The following FSTL5 variants were observed in gnomAD, a reference collection of about 807,000 sequenced individuals.
FSTL5 encodes follistatin like 5, also known as follistatin-related protein 5.
Under a neutral mutation model 89.1 loss-of-function variants are expected in FSTL5, and 62 were observed. The observed-to-expected ratio is 0.70, with a 90% confidence interval of 0.57 to 0.86. FSTL5 has a LOEUF of 0.86. Among genes scored for constraint, FSTL5 ranks in the 40% least tolerant of loss-of-function variants. The pLI, the probability that FSTL5 is intolerant of heterozygous loss-of-function variation, is 0.00. For synonymous variants in FSTL5, 383 were observed against 346.2 expected, an observed-to-expected ratio of 1.11 and a Z score of -1.18; for missense variants, 1,057 against 1,001.6, an observed-to-expected ratio of 1.06 and a Z score of -0.75.
intron 3 of FSTL5, 42 bp from the exon 4 acceptor site, chr4:161,920,694 G>T (rs746679254): frequency 3.2e-6 from 5 of 1,549,148 alleles, no homozygotes; most frequent in Non-Finnish European, 4.4e-6. Context: ...TGGTTCATTT[G>T]TCCAAATAAT....
At chr4:161,975,218 A>G (rs1445927537) in intron 3 of FSTL5, among the ~76,000 whole-genome samples, 1 of 137,530 alleles carries the variant, frequency 7.3e-6, no homozygotes, top group Non-Finnish European at 1.6e-5. Flanking sequence ...ATCTAGAACT[A>G]GAAATACCAT....
intron 4 of FSTL5, among the ~76,000 whole-genome samples, chr4:161,913,307 G>A (rs558983936): frequency 6.6e-6 from 1 of 152,238 alleles, no homozygotes; most frequent in South Asian, 2.1e-4. Flanking sequence ...GGAGGCCCAG[G>A]AAGAAAAAGT....
intron 4 of FSTL5, among the ~76,000 whole-genome samples, chr4:161,855,609 A>T (rs1291564579): frequency 6.6e-6 from 1 of 152,110 alleles, no homozygotes; most frequent in Non-Finnish European, 1.5e-5. Context: ...TAAAATTTAC[A>T]GAAAAGGTAA....
intron 3 of FSTL5, among the ~76,000 whole-genome samples, chr4:161,938,102 T>C (rs1734482320): frequency 6.6e-6 from 1 of 152,104 alleles, no homozygotes; most frequent in Non-Finnish European, 1.5e-5. Flanking sequence ...CCACCACCAT[T>C]CATCAATATC....
chr4:161,567,763 A>G (rs1226721641), intron 8 of FSTL5, among the ~76,000 whole-genome samples: 1 of 149,566 alleles, frequency 6.7e-6, no homozygotes, highest in East Asian at 2.0e-4. Flanking sequence ...TCTGAGAATG[A>G]GTCACCTATC....
At chr4:161,651,560 A>T (rs7659888) in intron 7 of FSTL5, among the ~76,000 whole-genome samples, 15 of 152,054 alleles carry the variant, frequency 9.9e-5, no homozygotes, top group South Asian at 4.1e-4. Context: ...AGGGAAAGAA[A>T]GAGAAGAGAA....
chr4:161,737,830 C>T (rs1739871080), intron 6 of FSTL5, among the ~76,000 whole-genome samples: 1 of 151,776 alleles, frequency 6.6e-6, no homozygotes, highest in Non-Finnish European at 1.5e-5. Flanking sequence ...GTTTTCAGAC[C>T]TTTCTGAATC....
intron 6 of FSTL5, among the ~76,000 whole-genome samples, chr4:161,716,687 CAT>C (rs1200574882): frequency 6.6e-6 from 1 of 152,264 alleles, no homozygotes; most frequent in Admixed American, 6.5e-5. Flanking sequence ...ATTATTTCCA[CAT>C]GATATTTTAC....
chr4:161,510,281 A>T, intron 11 of FSTL5, 117 bp downstream of exon 11: 1 of 687,720 alleles, frequency 1.5e-6, no homozygotes, highest in South Asian at 1.8e-5. Context: ...AAATACCATC[A>T]ATTAAAATAT....
intron 4 of FSTL5, among the ~76,000 whole-genome samples, chr4:161,833,707 T>G (rs1386233337): frequency 1.3e-5 from 2 of 152,046 alleles, no homozygotes; most frequent in Non-Finnish European, 2.9e-5. Flanking sequence ...TTGCAACCCC[T>G]GCCTTTTTTT....
chr4:161,588,339 T>A (rs1323825122), intron 7 of FSTL5, among the ~76,000 whole-genome samples: 1 of 152,074 alleles, frequency 6.6e-6, no homozygotes, highest in Non-Finnish European at 1.5e-5. Context: ...CCAATAAAAA[T>A]AATTATTAAA....
In FSTL5 at chr4:162,058,754, T is replaced by G. The variant is rs569917564; in HGVS notation, c.127-25096A>C. ...GCAACTGATCTATTCAATTAGAAAT[T>G]TTTATGGTTGACATGCAATTAAAAT... On this transcript the variant is annotated intron_variant, in intron 2 of 15. Transcript: ENST00000306100. 6.6e-5 allele frequency among the ~76,000 whole-genome samples: 10 copies of G among 152,162 alleles called. No individual in the cohort carries two copies. In the East Asian group the frequency reaches 1.5e-3, roughly 24 times the overall value.
At chr4:161,746,708 T>C (rs1447150940) in intron 6 of FSTL5, among the ~76,000 whole-genome samples, 1 of 152,212 alleles carries the variant, frequency 6.6e-6, no homozygotes, top group Non-Finnish European at 1.5e-5. Context: ...ACCTCTCAAA[T>C]GTAAATTACA....
chr4:161,447,273 CT>C (rs1217048970), intron 15 of FSTL5, among the ~76,000 whole-genome samples: 1 of 151,954 alleles, frequency 6.6e-6, no homozygotes, highest in Non-Finnish European at 1.5e-5. Context: ...CCAATAATAC[CT>C]ATAAAAACTC....
chr4:161,513,283 GA>G (rs1730711820), intron 10 of FSTL5, among the ~76,000 whole-genome samples: 1 of 75,376 alleles, frequency 1.3e-5, no homozygotes, highest in Non-Finnish European at 4.0e-5. Flanking sequence ...GAGAGAGAGA[GA>G]GAGAGAGAGA....
chr4:161,589,661 G>A (rs6852633), intron 7 of FSTL5, among the ~76,000 whole-genome samples: 87,419 of 151,686 alleles, frequency 0.58, 26,010 homozygotes, highest in East Asian at 0.75. Context: ...CAGTTGTTTC[G>A]CATTACAACT....
intron 3 of FSTL5, among the ~76,000 whole-genome samples, chr4:162,033,130 T>C (rs919334898): frequency 2.0e-5 from 3 of 152,194 alleles, no homozygotes; most frequent in East Asian, 1.9e-4. Flanking sequence ...AATGTGACTA[T>C]AGAGAAAAGA....
At chr4:161,556,475 G>A (rs1031654367) in intron 8 of FSTL5, among the ~76,000 whole-genome samples, 2 of 151,496 alleles carry the variant, frequency 1.3e-5, no homozygotes, top group African/African-American at 2.4e-5. Context: ...TCAAGACGAA[G>A]ATTTTGATTA....
intron 8 of FSTL5, among the ~76,000 whole-genome samples, chr4:161,578,938 A>G (rs1337500525): frequency 6.6e-6 from 1 of 152,212 alleles, no homozygotes; most frequent in East Asian, 1.9e-4. Context: ...AATGGCCAAG[A>G]AAATGTATCA....
Sources: gnomAD v4.1 joint callset for allele counts (sites outside exome capture counted in the v4.1 genomes callset) on GRCh38, gnomAD v4.1.1 for gene constraint, MANE v1.5 for transcripts, NCBI Gene and HGNC (gene_info 2026-07-23, HGNC 2026-07-21) for gene names.